The following PRKCB variants were observed in gnomAD, a reference collection of about 807,000 sequenced individuals.
PRKCB encodes protein kinase C beta type.
In PRKCB, 13 loss-of-function variants were observed where a neutral mutation model predicts 81.5. The ratio of observed to expected loss-of-function variants is 0.16; its 90% CI spans 0.10 to 0.25. PRKCB has a LOEUF of 0.25. Ranked by LOEUF, PRKCB falls within the 10% of genes least tolerant of loss-of-function variation. PRKCB has a pLI of 1.00. For synonymous variants in PRKCB, 335 were observed against 321.4 expected (o/e 1.04, Z -0.45); for missense variants, 509 against 875.7 (o/e 0.58, Z 5.29).
intron 5 of PRKCB, among the ~76,000 whole-genome samples, chr16:24,063,340 G>A (rs1965996245): frequency 6.6e-6 from 1 of 151,390 alleles, no homozygotes; most frequent in African/African-American, 2.4e-5. Context: ...TGTTGCCCAG[G>A]CTGGAGTGCA....
At chr16:24,085,785 T>C (rs189494328) in intron 5 of PRKCB, among the ~76,000 whole-genome samples, 1 of 152,356 alleles carries the variant, frequency 6.6e-6, no homozygotes, top group Non-Finnish European at 1.5e-5. Context: ...TAGCCATTGC[T>C]AACTTAGTTC....
chr16:24,033,844 T>C (rs1965580136), intron 4 of PRKCB, among the ~76,000 whole-genome samples: 1 of 150,660 alleles, frequency 6.6e-6, no homozygotes, highest in Admixed American at 6.6e-5. Flanking sequence ...GGTATAGAGA[T>C]GGAAAGACCA....
chr16:23,920,947 C>T (rs1279817996), intron 2 of PRKCB, among the ~76,000 whole-genome samples: 1 of 152,110 alleles, frequency 6.6e-6, no homozygotes. Context: ...GGAGGCCTCA[C>T]GATCATGGCA....
In PRKCB at chr16:24,215,012, T is replaced by C; in HGVS notation, c.*196T>C. The C allele has an allele frequency of 1.5e-6, 2 of 1,373,920 alleles. No homozygotes were observed. The highest frequency in any genetic ancestry group is 1.9e-6 in the Non-Finnish European group (2 of 1,064,748). 85.1% of individuals were successfully genotyped at this position (1,373,920 alleles called of 1,614,324 possible). A position where few individuals can be genotyped will look rare whatever the true frequency, so the allele number is the denominator to read the frequency against. ...ATGAGATGGGATTATGCAGATGGCC[T>C]ATGGAAAATGCAGCTGCATAATTAA... On this transcript the variant is annotated 3_prime_UTR_variant, in exon 17 of 17. Transcript: ENST00000643927.
intron 5 of PRKCB, among the ~76,000 whole-genome samples, chr16:24,054,514 A>G (rs1251779142): frequency 6.6e-6 from 1 of 152,204 alleles, no homozygotes; most frequent in East Asian, 1.9e-4. Context: ...GTTTGTCTTA[A>G]TATGGAGATC....
chr16:24,198,651 T>G (rs1285923467), intron 16 of PRKCB, among the ~76,000 whole-genome samples: 1 of 152,232 alleles, frequency 6.6e-6, no homozygotes, highest in Non-Finnish European at 1.5e-5. Context: ...TGTGGAGTCT[T>G]AAGCGCTAAA....
intron 2 of PRKCB, among the ~76,000 whole-genome samples, chr16:23,856,391 T>C (rs2188354): frequency 0.13 from 20,448 of 152,204 alleles, 3,143 homozygotes; most frequent in African/African-American, 0.38. Context: ...CTTCTATGTA[T>C]GTTTTTTAAA....
chr16:24,216,183 G>C lies in PRKCB; in HGVS notation c.*1367G>C. The C allele has an allele frequency of 2.0e-6, 2 of 985,474 alleles. No individual in the cohort carries two copies. The highest frequency in any genetic ancestry group is 2.4e-6 in the Non-Finnish European group (2 of 830,010). The allele number at this position is 985,474 out of a possible 1,614,324, so 61.0% of individuals were successfully genotyped here. ...GGCTGTGGCCCATTCAGGGGCTGCT[G>C]GTGGGCTGTAGTGGGGTGGGATGAC... On this transcript the variant is annotated 3_prime_UTR_variant, in exon 17 of 17. Transcript: ENST00000643927.
intron 7 of PRKCB, among the ~76,000 whole-genome samples, chr16:24,104,373 A>C (rs776454157): frequency 3.9e-5 from 6 of 152,240 alleles, no homozygotes; most frequent in Non-Finnish European, 8.8e-5. Flanking sequence ...CATTGAATAT[A>C]CACAGTGAGC....
intron 9 of PRKCB, among the ~76,000 whole-genome samples, chr16:24,131,367 G>GT (rs1277573443): frequency 6.6e-6 from 1 of 152,210 alleles, no homozygotes; most frequent in African/African-American, 2.4e-5. Flanking sequence ...AAATGCCTGG[G>GT]TGTATCACTA....
chr16:24,159,732 A>G (rs1967224821), intron 10 of PRKCB, among the ~76,000 whole-genome samples: 1 of 152,120 alleles, frequency 6.6e-6, no homozygotes, highest in Non-Finnish European at 1.5e-5. Flanking sequence ...AGTGGCTCAC[A>G]CCTGTAACAC....
At chr16:23,887,861 C>T (rs1036247457) in intron 2 of PRKCB, among the ~76,000 whole-genome samples, 2 of 152,144 alleles carry the variant, frequency 1.3e-5, no homozygotes, top group Non-Finnish European at 2.9e-5. Context: ...CAAGGCACTG[C>T]ATAAGCTATC....
intron 5 of PRKCB, among the ~76,000 whole-genome samples, chr16:24,092,052 G>A (rs376252760): frequency 2.0e-5 from 3 of 152,234 alleles, no homozygotes; most frequent in South Asian, 2.1e-4. Flanking sequence ...GTTTTTAAAC[G>A]TACAATTCAG....
At chr16:24,172,648 C>A (rs1412934159) in intron 11 of PRKCB, among the ~76,000 whole-genome samples, 1 of 151,944 alleles carries the variant, frequency 6.6e-6, no homozygotes, top group Non-Finnish European at 1.5e-5. Flanking sequence ...GAGTTAGAGG[C>A]CAGCCTGGGC....
At chr16:24,044,624 G>A (rs1334452027) in intron 5 of PRKCB, among the ~76,000 whole-genome samples, 1 of 152,228 alleles carries the variant, frequency 6.6e-6, no homozygotes, top group Non-Finnish European at 1.5e-5. Context: ...AAACTGGCCT[G>A]CTGCCTGTTT....
At chr16:24,091,858 T>A (rs1966381003) in intron 5 of PRKCB, among the ~76,000 whole-genome samples, 1 of 152,146 alleles carries the variant, frequency 6.6e-6, no homozygotes, top group East Asian at 1.9e-4. Flanking sequence ...GGAGTCAGGG[T>A]GGAGCTGAGC....
At chr16:24,021,040 CTCTTTCTT>C (rs1324385986) in intron 3 of PRKCB, among the ~76,000 whole-genome samples, 2 of 72,304 alleles carry the variant, frequency 2.8e-5, no homozygotes, top group Admixed American at 1.4e-4. Context: ...TTCTTTCTTT[CTCTTTCTT>C]TCTTTCTTTC....
At chr16:23,943,400 A>T (rs1964161837) in intron 2 of PRKCB, among the ~76,000 whole-genome samples, 7 of 152,134 alleles carry the variant, frequency 4.6e-5, no homozygotes, top group African/African-American at 2.4e-5. Context: ...TAGTTGACAT[A>T]CACCTGCAGT....
At chr16:24,064,637 T>G (rs2141880073) in intron 5 of PRKCB, among the ~76,000 whole-genome samples, 1 of 152,276 alleles carries the variant, frequency 6.6e-6, no homozygotes, top group East Asian at 1.9e-4. Context: ...TTGATTTTTA[T>G]TTTGCTTGCT....
Sources: gnomAD v4.1 joint callset for allele counts (sites outside exome capture counted in the v4.1 genomes callset) on GRCh38, gnomAD v4.1.1 for gene constraint, MANE v1.5 for transcripts, NCBI Gene and HGNC (gene_info 2026-07-23, HGNC 2026-07-21) for gene names.